The following CD58 variants were observed in gnomAD, a reference collection of about 807,000 sequenced individuals.
CD58 encodes the protein CD58 molecule, also known as lymphocyte function-associated antigen 3.
CD58 carries 14 observed loss-of-function variants against 27.6 expected under a neutral mutation model. The ratio of observed to expected loss-of-function variants is 0.51; its 90% CI spans 0.34 to 0.79. The LOEUF (loss-of-function observed/expected upper bound fraction) is 0.79, where lower values mean the gene tolerates loss of function less well. Among genes scored for constraint, CD58 ranks in the 30% least tolerant of loss-of-function variants. CD58 has a pLI of 0.02. For synonymous variants in CD58, 117 were observed against 103.8 expected (o/e 1.13, Z -0.77); for missense variants, 268 against 301.7 (o/e 0.89, Z 0.83).
In CD58 at chr1:116,570,771, T is replaced by A; in HGVS notation, c.70+132A>T. On this transcript the variant is annotated intron_variant, in intron 1 of 5. Coordinates refer to ENST00000369489, the MANE Select transcript of CD58 (RefSeq NM_001779.3). This position sits in a 1 kb window ranked among gnomAD's most constrained non-coding sequence, Gnocchi z 6.4. ...GAAAAGGCTCCCACGGCTGAGTTGTTCCCGGCCCACAGCGACCCGTCCCCA... is the reference window on the plus strand; with the variant it reads ...GAAAAGGCTCCCACGGCTGAGTTGTACCCGGCCCACAGCGACCCGTCCCCA... The A allele has an allele frequency of 1.6e-6, 1 of 638,036 alleles. No homozygotes were observed. Among genetic ancestry groups the A allele is most frequent in the Non-Finnish European group, 2.6e-6 (1 of 380,496 alleles). 39.5% of individuals were successfully genotyped at this position (638,036 alleles called of 1,614,324 possible). A position where few individuals can be genotyped will look rare whatever the true frequency, so the allele number is the denominator to read the frequency against.
Position 116,523,825 on chromosome 1 carries a change from T to C in CD58, c.629-1842A>G, listed in dbSNP as rs1047901084. ...TGGTTACTCTGAGGTTCAATTTATA[T>C]AGGAAAAGCAGCATTTGATTCTTCT... On this transcript the variant is annotated intron_variant, in intron 3 of 5. Coordinates refer to ENST00000369489, the MANE Select transcript of CD58 (RefSeq NM_001779.3). This position sits in a 1 kb window ranked among gnomAD's most constrained non-coding sequence, Gnocchi z 4.4. 7.2e-5 allele frequency among the ~76,000 whole-genome samples: 11 copies of C among 152,230 alleles called. No homozygotes were observed. The highest frequency in any genetic ancestry group is 1.3e-4 in the Non-Finnish European group (9 of 68,048).
chr1:116,568,098 G>A (rs1279147593), intron 1 of CD58, among the ~76,000 whole-genome samples: 1 of 151,618 alleles, frequency 6.6e-6, no homozygotes, highest in Admixed American at 6.6e-5. Flanking sequence ...GGTTAAAGGG[G>A]GTTAAAAAGG....
In CD58 at chr1:116,563,662, C is replaced by G. The variant is rs1658830360; in HGVS notation, c.70+7241G>C. ...CAAGGCTTACCCTCTGAAGCAACAG[C>G]CTGAGTGGTATGTTGGCCCCTTTTA... On this transcript the variant is annotated intron_variant, in intron 1 of 5. Transcript: ENST00000369489. This position sits in a 1 kb window ranked among gnomAD's most constrained non-coding sequence, Gnocchi z 4.1. 6.6e-6 allele frequency among the ~76,000 whole-genome samples: 1 copy of G among 152,234 alleles called. No individual in the cohort carries two copies.
Position 116,546,064 on chromosome 1 carries a change from T to G in CD58, c.71-1460A>C, listed in dbSNP as rs1035596469. 3.9e-5 allele frequency among the ~76,000 whole-genome samples: 6 copies of G among 152,120 alleles called. No homozygotes were observed. The highest frequency in any genetic ancestry group is 1.4e-4 in the African/African-American group (6 of 41,424). ...ATGGCACACACCTGTGGTCCCCAGC[T>G]ACTTGGGAGGCTGAAGAGGATTACT... On this transcript the variant is annotated intron_variant, in intron 1 of 5. Transcript: ENST00000369489. The surrounding 1 kb of genome is among the most constrained non-coding windows in gnomAD (Gnocchi z 4.1).
chr1:116,538,905 C>T lies in CD58; in HGVS notation c.365-2677G>A, dbSNP rs535544496. Among the ~76,000 whole-genome samples the T allele has an allele frequency of 2.6e-5, 4 of 152,306 alleles. No homozygotes were observed. Among genetic ancestry groups the T allele is most frequent in the African/African-American group, 7.2e-5 (3 of 41,578 alleles). On this transcript the variant is annotated intron_variant, in intron 2 of 5. Coordinates refer to ENST00000369489, the MANE Select transcript of CD58 (RefSeq NM_001779.3). The surrounding 1 kb of genome is among the most constrained non-coding windows in gnomAD (Gnocchi z 4.7). ...CAAATAAAATGTAAATTCTTCTACCCGCTATCTCCAAAGAGGTACAGTATG... is the reference window on the plus strand; with the variant it reads ...CAAATAAAATGTAAATTCTTCTACCTGCTATCTCCAAAGAGGTACAGTATG...
At chr1:116,562,434 C>T (rs966973915) in intron 1 of CD58, among the ~76,000 whole-genome samples, 1 of 152,190 alleles carries the variant, frequency 6.6e-6, no homozygotes, top group African/African-American at 2.4e-5. Context: ...TTGCCAGGCT[C>T]ATCTCAGCCT....
At chr1:116,544,108 T>A (rs1367628502) in intron 2 of CD58, among the ~76,000 whole-genome samples, 1 of 152,160 alleles carries the variant, frequency 6.6e-6, no homozygotes, top group African/African-American at 2.4e-5. Flanking sequence ...TCTCCCCACC[T>A]TGGTTAGATT....
rs1657718820 is a variant in CD58, at chr1:116,534,375, G to A, written c.628+1590C>T. Among the ~76,000 whole-genome samples, 1 of 152,198 alleles carries A rather than the reference G, an allele frequency of 6.6e-6. No homozygotes were observed. Among genetic ancestry groups the A allele is most frequent in the Non-Finnish European group, 1.5e-5 (1 of 68,030 alleles). Reference sequence around the variant, plus strand: ...AAATTCCTAAACATCTAATAAAGAGGTCCTGGACGTCTCCACCTTAAAAAC... The same window carrying A: ...AAATTCCTAAACATCTAATAAAGAGATCCTGGACGTCTCCACCTTAAAAAC... On this transcript the variant is annotated intron_variant, in intron 3 of 5. Coordinates refer to ENST00000369489, the MANE Select transcript of CD58 (RefSeq NM_001779.3). The surrounding 1 kb of genome is among the most constrained non-coding windows in gnomAD (Gnocchi z 5.3).
chr1:116,518,085 T>C (rs1371288089), intron 5 of CD58, among the ~76,000 whole-genome samples: 1 of 152,238 alleles, frequency 6.6e-6, no homozygotes, highest in African/African-American at 2.4e-5. Context: ...TGATTATCTA[T>C]GCTATCATTG....
Position 116,524,071 on chromosome 1 carries a change from C to G in CD58, c.629-2088G>C, listed in dbSNP as rs1018569669. On this transcript the variant is annotated intron_variant, in intron 3 of 5. Coordinates refer to ENST00000369489, the MANE Select transcript of CD58 (RefSeq NM_001779.3). The surrounding 1 kb of genome is among the most constrained non-coding windows in gnomAD (Gnocchi z 4.6). ...AGTGGCTCCTGAGTCCTGTTCGTAC[C>G]ATCATGTTAAGTCTTTTTGATAGCT... is the stretch of plus-strand genomic sequence containing the variant. 6.6e-6 allele frequency among the ~76,000 whole-genome samples: 1 copy of G among 152,110 alleles called. No individual in the cohort carries two copies. Among genetic ancestry groups the G allele is most frequent in the African/African-American group, 2.4e-5 (1 of 41,404 alleles).
chr1:116,560,227 T>G (rs1658712054), intron 1 of CD58: 1 of 152,234 alleles, frequency 6.6e-6, no homozygotes, highest in Non-Finnish European at 1.5e-5. Flanking sequence ...GCCTGTTGTT[T>G]CAAGACACTC....
rs755573580 is a variant in CD58 at position 116,523,079 on chromosome 1, G to A, written c.629-1096C>T. ...TTATTGGTATCTCTATTAATATCTT[G>A]TGACTCTGCAATTCCATTTCTAAGA... On this transcript the variant is annotated intron_variant, in intron 3 of 5. Transcript: ENST00000369489. The surrounding 1 kb of genome is among the most constrained non-coding windows in gnomAD (Gnocchi z 4.4). Among the ~76,000 whole-genome samples, 2 of 152,092 alleles carry A rather than the reference G, an allele frequency of 1.3e-5. No individual in the cohort carries two copies. Among genetic ancestry groups the A allele is most frequent in the Non-Finnish European group, 2.9e-5 (2 of 68,008 alleles).
intron 2 of CD58, among the ~76,000 whole-genome samples, chr1:116,540,451 C>T (rs1297476531): frequency 6.6e-6 from 1 of 152,116 alleles, no homozygotes; most frequent in East Asian, 1.9e-4. Context: ...ATCTTGCAGA[C>T]TCTTTCTTGG....
At position 116,521,447 on chromosome 1, in the gene CD58, G is replaced by C. The variant is rs1477000308; in HGVS notation, c.706+459C>G. On this transcript the variant is annotated intron_variant, in intron 4 of 5. Transcript: ENST00000369489. This position sits in a 1 kb window ranked among gnomAD's most constrained non-coding sequence, Gnocchi z 5.6. ...CCAAGATTGCTAGGGGACTGAGAAG[G>C]CTCAGGAAGTAATACAAGCACAATT... 2.0e-5 allele frequency among the ~76,000 whole-genome samples: 3 copies of C among 152,152 alleles called. No homozygotes were observed. Among genetic ancestry groups the C allele is most frequent in the South Asian group, 2.1e-4 (1 of 4,826 alleles).
intron 1 of CD58, among the ~76,000 whole-genome samples, chr1:116,566,040 T>C (rs758444540): frequency 5.9e-5 from 9 of 152,342 alleles, no homozygotes; most frequent in Non-Finnish European, 7.3e-5. Flanking sequence ...CTTTTGAATA[T>C]AGTATTGCAT....
intron 1 of CD58, among the ~76,000 whole-genome samples, chr1:116,565,769 T>C (rs1184008255): frequency 1.3e-5 from 2 of 151,482 alleles, no homozygotes; most frequent in Non-Finnish European, 2.9e-5. Context: ...TCACCCAGGC[T>C]GGAGTGCAGT....
rs1040573274 is a variant in CD58, at chr1:116,522,861, C to A, written c.629-878G>T. ...CTTAAAAATATTTATCATGAAGCAT[C>A]TAGACATTGCACTAAGTCATGTGCC... is the stretch of plus-strand genomic sequence containing the variant. On this transcript the variant is annotated intron_variant, in intron 3 of 5. Transcript: ENST00000369489. This position sits in a 1 kb window ranked among gnomAD's most constrained non-coding sequence, Gnocchi z 4.6. Among the ~76,000 whole-genome samples the A allele has an allele frequency of 6.6e-6, 1 of 152,174 alleles. No individual in the cohort carries two copies. The highest frequency in any genetic ancestry group is 2.4e-5 in the African/African-American group (1 of 41,442).
intron 2 of CD58, among the ~76,000 whole-genome samples, chr1:116,537,731 T>C (rs1233738229): frequency 6.6e-6 from 1 of 152,238 alleles, no homozygotes; most frequent in Non-Finnish European, 1.5e-5. Flanking sequence ...GTCATTTATT[T>C]GTTAATTCAT....
chr1:116,565,129 A>G (rs1291546296), intron 1 of CD58, among the ~76,000 whole-genome samples: 1 of 152,156 alleles, frequency 6.6e-6, no homozygotes, highest in Non-Finnish European at 1.5e-5. Context: ...CAGACTATTC[A>G]TCCAGCAGCC....
Sources: gnomAD v4.1 joint callset for allele counts (sites outside exome capture counted in the v4.1 genomes callset) on GRCh38, gnomAD v4.1.1 for gene constraint, Gnocchi (gnomAD v3.1) non-coding constraint, MANE v1.5 for transcripts, NCBI Gene and HGNC (gene_info 2026-07-23, HGNC 2026-07-21) for gene names.